The following CLCN1 variants were observed in gnomAD, a reference collection of about 807,000 sequenced individuals.
CLCN1 encodes chloride voltage-gated channel 1.
CLCN1 carries 100 observed loss-of-function variants against 114.5 expected under a neutral mutation model. That is an observed-to-expected ratio of 0.87 (90% CI 0.74 to 1.03). The LOEUF (loss-of-function observed/expected upper bound fraction) is 1.03, where lower values mean the gene tolerates loss of function less well. Among genes scored for constraint, CLCN1 ranks in the 50% least tolerant of loss-of-function variants. CLCN1 has a pLI of 0.00. For missense variants in CLCN1, 1,188 were observed against 1,250.0 expected (o/e 0.95, Z 0.75); for synonymous variants, 485 against 487.1 (o/e 1.00, Z 0.06).
Position 143,320,715 on chromosome 7 carries a change from G to A in CLCN1, c.353G>A (p.Gly118Glu). Reference protein sequence around the residue: ...QVVRRKLGEDGIFLVLLGLLM... With the variant: ...QVVRRKLGEDEIFLVLLGLLM... ...GTGAGAAGAAAATTAGGGGAAGACG[G>A]GATCTTTCTGGTGCTTCTGGGACTG... The change falls in exon 3 of 23, where the codon GGG (glycine) becomes GAG (glutamate). Residue 118 changes from glycine to glutamate, a missense_variant. By Grantham distance (98) the Gly-to-Glu change is moderately conservative. Coordinates refer to ENST00000343257, the MANE Select transcript of CLCN1 (RefSeq NM_000083.3). 6.2e-7 allele frequency: 1 copy of A among 1,613,528 alleles called. No individual in the cohort carries two copies. The highest frequency in any genetic ancestry group is 8.5e-7 in the Non-Finnish European group (1 of 1,179,540).
intron 1 of CLCN1, among the ~76,000 whole-genome samples, chr7:143,317,994 G>A (rs1802331580): frequency 6.6e-6 from 1 of 152,164 alleles, no homozygotes. Context: ...TTAGTTTGGG[G>A]AGTAGAATTG....
chr7:143,331,576 G>C lies in CLCN1; in HGVS notation c.1090G>C (p.Val364Leu). Residue 364 changes from valine (V) to leucine (L), a missense_variant, in exon 10 of 23, where the codon GTA becomes CTA. Transcript: ENST00000343257. ...IGICCGLLGAVFVYLHRQVML... is the reference protein window; with the variant it reads ...IGICCGLLGALFVYLHRQVML... Reference sequence around the variant, plus strand: ...GATTTGCTGTGGGCTCCTGGGAGCTGTATTTGTGTATCTGCATCGCCAAGT... The same window carrying C: ...GATTTGCTGTGGGCTCCTGGGAGCTCTATTTGTGTATCTGCATCGCCAAGT... 1 of 1,614,014 alleles carries C rather than the reference G, an allele frequency of 6.2e-7. No homozygotes were observed.
Position 143,324,830 on chromosome 7 carries a change from T to C in CLCN1, c.853+338T>C, listed in dbSNP as rs1019724927. ...CCCTACTTATTTTCAAACCTGTTTGTATTGTTGGATGTTTTTGCCCTACAC... is the reference window on the plus strand; with the variant it reads ...CCCTACTTATTTTCAAACCTGTTTGCATTGTTGGATGTTTTTGCCCTACAC... On this transcript the variant is annotated intron_variant, in intron 7 of 22. Coordinates refer to ENST00000343257, the MANE Select transcript of CLCN1 (RefSeq NM_000083.3). This position sits in a 1 kb window ranked among gnomAD's most constrained non-coding sequence, Gnocchi z 4.6. Among the ~76,000 whole-genome samples, 2 of 152,214 alleles carry C rather than the reference T, an allele frequency of 1.3e-5. No homozygotes were observed. Among genetic ancestry groups the C allele is most frequent in the African/African-American group, 4.8e-5 (2 of 41,464 alleles).
Position 143,330,636 on chromosome 7 carries a change from A to G in CLCN1, c.854-136A>G. On this transcript the variant is annotated intron_variant, in intron 7 of 22. Transcript: ENST00000343257. Reference sequence around the variant, plus strand: ...GTGTGGTTTTGAGCATGGGAATCCAAGAGATCATTACTTTCCACTACTGCT... The same window carrying G: ...GTGTGGTTTTGAGCATGGGAATCCAGGAGATCATTACTTTCCACTACTGCT... 4.3e-6 allele frequency: 5 copies of G among 1,160,496 alleles called. No individual in the cohort carries two copies. In the South Asian group the frequency reaches 6.4e-5, roughly 15 times the overall value. The allele number at this position is 1,160,496 out of a possible 1,614,324, so 71.9% of individuals were successfully genotyped here.
chr7:143,345,700 C>T lies in CLCN1; in HGVS notation c.2110C>T (p.Arg704Trp). 1 of 1,561,130 alleles carries T rather than the reference C, an allele frequency of 6.4e-7. No homozygotes were observed. The highest frequency in any genetic ancestry group is 2.4e-5 in the East Asian group (1 of 41,654). The change falls in exon 17 of 23, where the codon CGG (arginine) becomes TGG (tryptophan). Residue 704 changes from arginine (R) to tryptophan (W), a missense_variant. By Grantham distance (101) the Arg-to-Trp change is moderately radical. Transcript: ENST00000343257. ...GGGGCTCCCCGGCGCGCCTCCAGGC[C>T]GGCCCGAGTCCTTCGCCTTTGTGGA... Reference protein sequence around the residue: ...GEGLPGAPPGRPESFAFVDED... With the variant: ...GEGLPGAPPGWPESFAFVDED...
chr7:143,350,073 G>T lies in CLCN1; in HGVS notation c.2404-299G>T, dbSNP rs573473978. On this transcript the variant is annotated intron_variant, in intron 20 of 22. Transcript: ENST00000343257. The surrounding 1 kb of genome is among the most constrained non-coding windows in gnomAD (Gnocchi z 5.1). ...AGTGGAAAATAGATGGGAAAGATAG[G>T]TTGGGAATAACAAATGTTTGGGACG... Among the ~76,000 whole-genome samples, 1 of 152,262 alleles carries T rather than the reference G, an allele frequency of 6.6e-6. No homozygotes were observed. Among genetic ancestry groups the T allele is most frequent in the South Asian group, 2.1e-4 (1 of 4,814 alleles).
chr7:143,342,881 C>T (rs1208529889), intron 16 of CLCN1, among the ~76,000 whole-genome samples: 3 of 151,580 alleles, frequency 2.0e-5, no homozygotes, highest in Non-Finnish European at 4.4e-5. Flanking sequence ...TGCGATGAGC[C>T]GAGAACGTGT....
In CLCN1 at chr7:143,320,883, G is replaced by A. The variant is rs1802411894; in HGVS notation, c.433+88G>A. On this transcript the variant is annotated intron_variant, in intron 3 of 22. Coordinates refer to ENST00000343257, the MANE Select transcript of CLCN1 (RefSeq NM_000083.3). ...GTGTGTTATCGGAAGCGAATGTTAA[G>A]CAGGGTGTGTTATGGGAAGCGAATA... is the stretch of plus-strand genomic sequence containing the variant. 4 of 1,499,686 alleles carry A rather than the reference G, an allele frequency of 2.7e-6. No individual in the cohort carries two copies. In the African/African-American group the frequency reaches 4.1e-5, roughly 16 times the overall value. 92.9% of individuals were successfully genotyped at this position (1,499,686 alleles called of 1,614,324 possible). A position where few individuals can be genotyped will look rare whatever the true frequency, so the allele number is the denominator to read the frequency against.
intron 7 of CLCN1, 96 bp from the exon 8 acceptor site, chr7:143,330,676 T>C: frequency 2.6e-6 from 4 of 1,530,218 alleles, no homozygotes; most frequent in Non-Finnish European, 3.6e-6. Flanking sequence ...CCCAGATTCA[T>C]GTTTCAGCAA....
intron 16 of CLCN1, among the ~76,000 whole-genome samples, chr7:143,344,079 A>G (rs1803161453): frequency 6.6e-6 from 1 of 152,210 alleles, no homozygotes; most frequent in African/African-American, 2.4e-5. Flanking sequence ...ACCTCAGGCG[A>G]TCCACCAGCC....
chr7:143,342,150 G>A lies in CLCN1; in HGVS notation c.1796+8G>A, dbSNP rs369615211. On this transcript the variant is annotated splice_region_variant and intron_variant, in intron 15 of 22. Transcript: ENST00000343257. ...TGGCTGGAACCAGCTCAGGTCAGGG[G>A]CACTAGACGGAATTAGTTCAGATCT... 3 of 1,612,386 alleles carry A rather than the reference G, an allele frequency of 1.9e-6. No individual in the cohort carries two copies. Among genetic ancestry groups the A allele is most frequent in the South Asian group, 2.2e-5 (2 of 91,056 alleles).
chr7:143,346,146 C>T lies in CLCN1; in HGVS notation c.2179C>T (p.Pro727Ser). ...TTCTTACTCTTCCTTACAGCTTCCTCCTTCCCTTGCTCTCCACCCCTCTAC... is the reference window on the plus strand; with the variant it reads ...TTCTTACTCTTCCTTACAGCTTCCTTCTTCCCTTGCTCTCCACCCCTCTAC... ...EDLSGKSELPPSLALHPSTTA... is the reference protein window; with the variant it reads ...EDLSGKSELPSSLALHPSTTA... Residue 727 changes from proline (P) to serine (S), a missense_variant, in exon 18 of 23, where the codon CCT (proline) becomes TCT (serine). Coordinates refer to ENST00000343257, the MANE Select transcript of CLCN1 (RefSeq NM_000083.3). 3 of 1,601,388 alleles carry T rather than the reference C, an allele frequency of 1.9e-6. No individual in the cohort carries two copies. The highest frequency in any genetic ancestry group is 2.6e-6 in the Non-Finnish European group (3 of 1,168,502).
At chr7:143,337,369 T>G (rs569319297) in intron 12 of CLCN1, among the ~76,000 whole-genome samples, 121 of 152,318 alleles carry the variant, frequency 7.9e-4, no homozygotes, top group African/African-American at 2.7e-3. Context: ...TGCCCATTCA[T>G]TTTTATAGTT....
chr7:143,351,537 C>T (rs1006354040), intron 22 of CLCN1, 57 bp from the exon 23 acceptor site: 40 of 1,583,360 alleles, frequency 2.5e-5, no homozygotes, highest in South Asian at 6.8e-5. Context: ...CTCACTGCCC[C>T]CGTCTTTTTT....
intron 7 of CLCN1, among the ~76,000 whole-genome samples, chr7:143,327,114 C>T (rs1421926679): frequency 6.6e-6 from 1 of 152,020 alleles, no homozygotes; most frequent in East Asian, 1.9e-4. Flanking sequence ...GGTGTGGTGG[C>T]AGGCACTTGT....
rs1803083955 is a variant in CLCN1, at chr7:143,341,829, T to TATAC, written c.1583-100_1583-99insATAC. The TATAC allele has an allele frequency of 3.3e-6, 3 of 897,580 alleles. No individual in the cohort carries two copies. In the African/African-American group the frequency reaches 4.9e-5, roughly 15 times the overall value. 55.6% of individuals were successfully genotyped at this position (897,580 alleles called of 1,614,324 possible). On this transcript the variant is annotated intron_variant, in intron 14 of 22. Transcript: ENST00000343257. ...TTATGAGTATTGGCACTGACCAGGG[T>TATAC]CATGTCTCTCATTCCGTGTTATTCC...
rs779969778 is a variant in CLCN1 at position 143,346,574 on chromosome 7, C to G, written c.2285-5C>G. The stretch of plus-strand genomic sequence containing the variant: ...CCATTTCCATCCACTCACCTGTCCT[C>G]TCAGGTCAAAGACCCTCCATCTTCC... On this transcript the variant is annotated splice_region_variant and splice_polypyrimidine_tract_variant and intron_variant, in intron 18 of 22. Transcript: ENST00000343257. 5.0e-6 allele frequency: 8 copies of G among 1,611,058 alleles called. No homozygotes were observed. The African/African-American group carries it at 6.7e-5, about 13-fold the overall frequency.
chr7:143,351,395 C>T (rs1476153244), intron 22 of CLCN1, among the ~76,000 whole-genome samples, 199 bp from the exon 23 acceptor site: 1 of 151,890 alleles, frequency 6.6e-6, no homozygotes, highest in African/African-American at 2.4e-5. Flanking sequence ...TTGTCATGCC[C>T]CTTTTCTTGT....
chr7:143,329,653 G>A (rs1372703025), intron 7 of CLCN1, among the ~76,000 whole-genome samples: 2 of 152,140 alleles, frequency 1.3e-5, no homozygotes, highest in South Asian at 2.1e-4. Flanking sequence ...TGAAGAGGGC[G>A]TTCACCCTGT....
Sources: allele counts gnomAD v4.1 joint callset (sites outside exome capture counted in the v4.1 genomes callset), GRCh38; gene constraint gnomAD v4.1.1; non-coding constraint Gnocchi (gnomAD v3.1); transcripts MANE v1.5; gene names NCBI Gene and HGNC (gene_info 2026-07-23, HGNC 2026-07-21).